MXRA8: variants seen among roughly 807,000 people sequenced by gnomAD.
MXRA8 encodes the protein matrix remodeling-associated protein 8.
In MXRA8, 44 loss-of-function variants were observed where a neutral mutation model predicts 51.4. The observed-to-expected ratio is 0.86, with a 90% CI of 0.67 to 1.10. MXRA8 has a LOEUF of 1.10. MXRA8 is among the 50% of genes least tolerant of loss of function. The pLI is 0.00. For missense variants in MXRA8, 765 were observed against 638.9 expected (o/e 1.20, Z -2.13); for synonymous variants, 369 against 293.5 (o/e 1.26, Z -2.63).
At position 1,354,206 on chromosome 1, in the gene MXRA8, C is replaced by T; in HGVS notation, c.1132G>A (p.Gly378Arg). 1 of 1,612,662 alleles carries T rather than the reference C, an allele frequency of 6.2e-7. No homozygotes were observed. The highest frequency in any genetic ancestry group is 1.1e-5 in the South Asian group (1 of 91,074). ...GGYEYSDQKSGKSKGKDVNLA... is the reference protein window; with the variant it reads ...GGYEYSDQKSRKSKGKDVNLA... ...GGGGGCACTCACCCCTTTGACTTTC[C>T]CGACTTCTGGTCCGAGTATTCGTAG... Residue 378 changes from glycine to arginine, a missense_variant, in exon 7 of 10, where the codon GGA (glycine) becomes AGA (arginine). Gly to Arg is a moderately radical substitution (Grantham distance 125). Transcript: ENST00000309212.
At position 1,354,859 on chromosome 1, in the gene MXRA8, G is replaced by T. The variant is rs2100803546; in HGVS notation, c.772C>A (p.Arg258Ser). The T allele has an allele frequency of 1.2e-6, 2 of 1,611,942 alleles. No homozygotes were observed. The highest frequency in any genetic ancestry group is 1.3e-5 in the African/African-American group (1 of 75,032). ...DAFERGDFSL[R>S]IEPLEVADEG... The stretch of plus-strand genomic sequence containing the variant: ...TCGGCGACCTCCAGCGGCTCGATAC[G>T]CAGTGAGAAGTCACCGCGCTCAAAG... Residue 258 changes from arginine to serine, a missense_variant, in exon 5 of 10, where the codon CGT becomes AGT. Coordinates refer to ENST00000309212, the MANE Select transcript of MXRA8 (RefSeq NM_032348.4).
At chr1:1,358,402 C>G (rs1644174908) in intron 1 of MXRA8, 54 bp downstream of exon 1, 2 of 1,555,438 alleles carry the variant, frequency 1.3e-6, no homozygotes, top group Non-Finnish European at 8.7e-7. Flanking sequence ...CCGAAACGGA[C>G]TCGCACAGCC....
chr1:1,356,648 T>TG, intron 2 of MXRA8, 33 bp downstream of exon 2: 1 of 719,196 alleles, frequency 1.4e-6, no homozygotes, highest in South Asian at 6.5e-5. Flanking sequence ...TGAGGGGGAG[T>TG]GGGGGTGGGC....
chr1:1,356,539 G>T, intron 2 of MXRA8, 142 bp downstream of exon 2: 1 of 472,240 alleles, frequency 2.1e-6, no homozygotes, highest in Non-Finnish European at 3.6e-6. Flanking sequence ...TATTGGCAAG[G>T]GGAGGTGCCC....
At chr1:1,362,258 A>G (rs2100829810), upstream of MXRA8, among the ~76,000 whole-genome samples, 1 of 152,368 alleles carries the variant, frequency 6.6e-6, no homozygotes, top group East Asian at 1.9e-4. Flanking sequence ...GAGTCAGGAC[A>G]CTGCTGAGAT....
At position 1,353,903 on chromosome 1, in the gene MXRA8, C is replaced by T. The variant is rs148662269; in HGVS notation, c.1248G>A (p.Glu416=). The change falls in exon 9 of 10, where the codon GAG becomes GAA. Residue 416 remains glutamate, a synonymous_variant. Transcript: ENST00000309212. ...QLDYKNNILK[E]RAELAHSPLP... is the part of the protein sequence containing the mutation. ...GGGGGCTGTGGGCCAGCTCCGCCCTCTCCTTCAGGATGTTGTTTTTGTAAT... is the reference window on the plus strand; with the variant it reads ...GGGGGCTGTGGGCCAGCTCCGCCCTTTCCTTCAGGATGTTGTTTTTGTAAT... 6.7e-5 allele frequency: 108 copies of T among 1,609,688 alleles called. No homozygotes were observed. The highest frequency in any genetic ancestry group is 8.8e-5 in the Non-Finnish European group (104 of 1,178,356).
chr1:1,353,624 GGAACCCT>G lies in MXRA8; in HGVS notation c.1304-2_1308del, dbSNP rs1557680177. ...CCTCCCTATTTGCAGTTCTCCTTCC[GGAACCCT>G]GGAAGCCAAGGGCGCCAACGGGTTG... On this transcript the variant is annotated splice_acceptor_variant and coding_sequence_variant, in exon 10 of 10. Coordinates refer to ENST00000309212, the MANE Select transcript of MXRA8 (RefSeq NM_032348.4). LOFTEE classifies it high-confidence loss of function. 1 of 1,563,574 alleles carries G rather than the reference GGAACCCT, an allele frequency of 6.4e-7. No individual in the cohort carries two copies. Among genetic ancestry groups the G allele is most frequent in the East Asian group, 2.3e-5 (1 of 42,812 alleles).
rs1205849899 is a variant in MXRA8 at position 1,355,234 on chromosome 1, A to C, written c.478+10T>G. On this transcript the variant is annotated intron_variant, in intron 4 of 9. Coordinates refer to ENST00000309212, the MANE Select transcript of MXRA8 (RefSeq NM_032348.4). ...GGGCGGGAGCTGGGGGGCGGGGGGG[A>C]AGCACTCACGGCCGTCGGTGACCTC... 1 of 1,541,636 alleles carries C rather than the reference A, an allele frequency of 6.5e-7. No individual in the cohort carries two copies. The highest frequency in any genetic ancestry group is 8.7e-7 in the Non-Finnish European group (1 of 1,151,004).
Position 1,355,432 on chromosome 1 carries a change from G to T in MXRA8, c.376+18C>A. The T allele has an allele frequency of 6.7e-7, 1 of 1,483,010 alleles. No homozygotes were observed. The allele number at this position is 1,483,010 out of a possible 1,614,324, so 91.9% of individuals were successfully genotyped here. The stretch of plus-strand genomic sequence containing the variant: ...ACCCCTGCCCCGACCCCGCGGCCCC[G>T]GTCCCCGGTCCCCGCACCGCGGATG... On this transcript the variant is annotated intron_variant, in intron 3 of 9. Transcript: ENST00000309212.
rs147405504 is a variant in MXRA8, at chr1:1,354,635, G to A, written c.949+47C>T. ...GACAGCGGGCGCAGAGCAACCCCCG[G>A]TGGGGTGGGCTCCCGCCTTCCCGGG... On this transcript the variant is annotated intron_variant, in intron 5 of 9. Transcript: ENST00000309212. The A allele has an allele frequency of 5.8e-3, 8,970 of 1,540,020 alleles. 39 individuals carry two copies. The highest frequency in any genetic ancestry group is 7.1e-3 in the Non-Finnish European group (8,180 of 1,147,264).
chr1:1,353,420 T>G lies in MXRA8; in HGVS notation c.*184A>C. 6.6e-7 allele frequency: 1 copy of G among 1,519,496 alleles called. No homozygotes were observed. Among genetic ancestry groups the G allele is most frequent in the Non-Finnish European group, 8.8e-7 (1 of 1,130,316 alleles). The allele number at this position is 1,519,496 out of a possible 1,614,324, so 94.1% of individuals were successfully genotyped here. On this transcript the variant is annotated 3_prime_UTR_variant, in exon 10 of 10. Transcript: ENST00000309212. Reference sequence around the variant, plus strand: ...GAGCAAAGGCCGCAGGGGTGGGGGCTATGCTGCCACCAAGCCCCTGGGAGA... The same window carrying G: ...GAGCAAAGGCCGCAGGGGTGGGGGCGATGCTGCCACCAAGCCCCTGGGAGA...
rs2100793574 is a variant in MXRA8, at chr1:1,353,078, G to A, written c.*526C>T. On this transcript the variant is annotated 3_prime_UTR_variant, in exon 10 of 10. Coordinates refer to ENST00000309212, the MANE Select transcript of MXRA8 (RefSeq NM_032348.4). ...CCTGGAGTCCCACATGGTGGTACAGGTGGGGGAGCTCTCGGTGGCAGGCAG... is the reference window on the plus strand; with the variant it reads ...CCTGGAGTCCCACATGGTGGTACAGATGGGGGAGCTCTCGGTGGCAGGCAG... The A allele has an allele frequency of 1.6e-6, 1 of 631,082 alleles. No homozygotes were observed. The highest frequency in any genetic ancestry group is 1.8e-5 in the South Asian group (1 of 54,680). 39.1% of individuals were successfully genotyped at this position (631,082 alleles called of 1,614,324 possible).
Position 1,356,166 on chromosome 1 carries a change from A to T in MXRA8, c.74-414T>A, listed in dbSNP as rs1400006625. On this transcript the variant is annotated intron_variant, in intron 2 of 9. Coordinates refer to ENST00000309212, the MANE Select transcript of MXRA8 (RefSeq NM_032348.4). Reference sequence around the variant, plus strand: ...TCCATGGGGGAGGGGCATGCCCCCTAGGGCCCATGTGGGGGAAGGGGAATC... The same window carrying T: ...TCCATGGGGGAGGGGCATGCCCCCTTGGGCCCATGTGGGGGAAGGGGAATC... Among the ~76,000 whole-genome samples, 3 of 47,244 alleles carry T rather than the reference A, an allele frequency of 6.4e-5. No individual in the cohort carries two copies. The East Asian group carries it at 2.2e-3, about 35-fold the overall frequency. 31.0% of individuals were successfully genotyped at this position (47,244 alleles called of 152,430 possible).
In MXRA8 at chr1:1,358,539, G is replaced by C. The variant is rs757408987; in HGVS notation, c.-35C>G. On this transcript the variant is annotated 5_prime_UTR_variant, in exon 1 of 10. Coordinates refer to ENST00000309212, the MANE Select transcript of MXRA8 (RefSeq NM_032348.4). ...CCAGCCCCAGGCTTTGTCCCACTCG[G>C]CTCTAAGTCTCTCTCCAGAAAAACA... 3.1e-6 allele frequency: 5 copies of C among 1,602,656 alleles called. No homozygotes were observed. In the East Asian group the frequency reaches 9.0e-5, roughly 29 times the overall value.
upstream of MXRA8, chr1:1,358,974 G>A (rs998207938): frequency 5.1e-6 from 5 of 985,240 alleles, no homozygotes; most frequent in East Asian, 1.1e-4. Context: ...GCCTCCCAGC[G>A]CTGAGACCGC....
Position 1,355,057 on chromosome 1 carries a change from CGTGCCCGCG to C in MXRA8, c.565_573del (p.Arg189_His191del). On this transcript the variant is annotated inframe_deletion, in exon 5 of 10. Transcript: ENST00000309212. ...TCCTCCACGTGCCGGTCGGTCCACA[CGTGCCCGCG>C]GTTCACGCAGGTCAGAAGCGCGGGT... 1 of 1,605,202 alleles carries C rather than the reference CGTGCCCGCG, an allele frequency of 6.2e-7. No homozygotes were observed. Among genetic ancestry groups the C allele is most frequent in the Non-Finnish European group, 8.5e-7 (1 of 1,177,454 alleles).
Position 1,355,108 on chromosome 1 carries a change from C to G in MXRA8, c.523G>C (p.Ala175Pro). 3.3e-6 allele frequency: 5 copies of G among 1,525,794 alleles called. No homozygotes were observed. The highest frequency in any genetic ancestry group is 4.4e-6 in the Non-Finnish European group (5 of 1,149,310). The allele number at this position is 1,525,794 out of a possible 1,614,324, so 94.5% of individuals were successfully genotyped here. Residue 175 changes from alanine to proline, a missense_variant, in exon 5 of 10, where the codon GCG becomes CCG. Physicochemically the swap from Ala to Pro is conservative, Grantham distance 27. Coordinates refer to ENST00000309212, the MANE Select transcript of MXRA8 (RefSeq NM_032348.4). ...AYWDGEKEVL[A>P]VARGAPALLT... is the part of the protein sequence containing the mutation. ...AGCGCGGGTGCGCCGCGCGCCACCG[C>G]CAGCACCTCCTTCTCGCCGTCCCAG... is the stretch of plus-strand genomic sequence containing the variant.
upstream of MXRA8, chr1:1,358,904 C>A (rs1569810591): frequency 1.1e-5 from 11 of 1,014,034 alleles, no homozygotes; most frequent in Non-Finnish European, 1.3e-5. Flanking sequence ...TCTGGCCTCC[C>A]CCCACGTGAG....
chr1:1,354,516 G>C lies in MXRA8; in HGVS notation c.950-7C>G. On this transcript the variant is annotated splice_region_variant and splice_polypyrimidine_tract_variant and intron_variant, in intron 5 of 9. Coordinates refer to ENST00000309212, the MANE Select transcript of MXRA8 (RefSeq NM_032348.4). ...CCGCGCGCCAGTGTGGGGTCTGCGG[G>C]GAACGCGGGGTCGGGGCGGCGTCAG... The C allele has an allele frequency of 6.2e-7, 1 of 1,610,232 alleles. No homozygotes were observed. The highest frequency in any genetic ancestry group is 1.1e-5 in the South Asian group (1 of 91,010).
Sources: allele counts gnomAD v4.1 joint callset (sites outside exome capture counted in the v4.1 genomes callset), GRCh38; gene constraint gnomAD v4.1.1; transcripts MANE v1.5; gene names NCBI Gene and HGNC (gene_info 2026-07-23, HGNC 2026-07-21).